NOD1: variants seen among roughly 807,000 people sequenced by gnomAD.
NOD1 encodes the protein nucleotide binding oligomerization domain containing 1.
A neutral mutation model predicts 81.2 loss-of-function variants in NOD1; 70 were observed. That is an observed-to-expected ratio of 0.86 (90% CI 0.71 to 1.05). The LOEUF (loss-of-function observed/expected upper bound fraction) is 1.05, where lower values mean the gene tolerates loss of function less well. Among genes scored for constraint, NOD1 ranks in the 50% least tolerant of loss-of-function variants. NOD1 has a pLI of 0.00. For synonymous variants in NOD1, 508 were observed against 526.9 expected, an observed-to-expected ratio of 0.96 and a Z score of 0.49; for missense variants, 1,233 against 1,228.0, an observed-to-expected ratio of 1.00 and a Z score of -0.06.
In NOD1 at chr7:30,451,707, G is replaced by A; in HGVS notation, c.1710C>T (p.Gly570=). 1.9e-6 allele frequency: 3 copies of A among 1,613,866 alleles called. No homozygotes were observed. In the South Asian group the frequency reaches 3.3e-5, roughly 18 times the overall value. Residue 570 remains glycine (G), a synonymous_variant, in exon 6 of 14, where the codon GGC becomes GGT. Coordinates refer to ENST00000222823, the MANE Select transcript of NOD1 (RefSeq NM_006092.4). This position sits in a 1 kb window ranked among gnomAD's most constrained non-coding sequence, Gnocchi z 4.2. ...PPFLPFQCLQ[G]SGPAREDLFK... ...AGAGGTCTTCCCGCGCCGGACCACT[G>A]CCCTGCAGGCACTGGAACGGGAGGA...
intron 4 of NOD1, 112 bp downstream of exon 4, chr7:30,456,609 G>C (rs1193685038): frequency 1.1e-6 from 1 of 893,958 alleles, no homozygotes; most frequent in Non-Finnish European, 1.8e-6. Flanking sequence ...CCAAAATGCA[G>C]CCCTGCCCGC....
intron 1 of NOD1, chr7:30,469,218 G>T (rs1373992115): frequency 1.0e-6 from 1 of 985,284 alleles, no homozygotes; most frequent in African/African-American, 1.7e-5. Flanking sequence ...AACACTATAG[G>T]CAGCCGACTC....
intron 5 of NOD1, 83 bp downstream of exon 5, chr7:30,455,054 C>T: frequency 1.4e-6 from 2 of 1,386,030 alleles, no homozygotes; most frequent in South Asian, 1.3e-5. Flanking sequence ...TGAGGTGGCA[C>T]TCAGGGCTGG....
At chr7:30,466,008 C>T (rs907005448) in intron 1 of NOD1, among the ~76,000 whole-genome samples, 4 of 152,250 alleles carry the variant, frequency 2.6e-5, no homozygotes, top group African/African-American at 9.6e-5. Flanking sequence ...CCTCCTCAAG[C>T]TCTGACCACT....
chr7:30,471,642 T>C (rs925344643), intron 1 of NOD1, among the ~76,000 whole-genome samples: 6 of 152,234 alleles, frequency 3.9e-5, no homozygotes, highest in Non-Finnish European at 5.9e-5. Context: ...GGGCAACAGC[T>C]AGGCGGAGCA....
At chr7:30,455,413 A>C (rs1562694859) in intron 4 of NOD1, 102 bp from the exon 5 acceptor site, 1 of 860,678 alleles carries the variant, frequency 1.2e-6, no homozygotes. Flanking sequence ...AGTTCTTAGT[A>C]CAGCCGGTAG....
Position 30,452,854 on chromosome 7 carries a change from G to A in NOD1, c.563C>T (p.Thr188Ile), listed in dbSNP as rs1301364329. 6.2e-7 allele frequency: 1 copy of A among 1,614,112 alleles called. No individual in the cohort carries two copies. Among genetic ancestry groups the A allele is most frequent in the Admixed American group, 1.7e-5 (1 of 60,030 alleles). The change falls in exon 6 of 14, where the codon ACC becomes ATC. Residue 188 changes from threonine (T) to isoleucine (I), a missense_variant. Physicochemically the swap from Thr to Ile is moderately conservative, Grantham distance 89 (BLOSUM62 -1). Coordinates refer to ENST00000222823, the MANE Select transcript of NOD1 (RefSeq NM_006092.4). ...CTCACCCTGCTCATTGAGGATGCCG[G>A]TGGTGTGGTCCAGGAGGCAGGCCAG... ...NSLACLLDHTTGILNEQGETI... is the reference protein window; with the variant it reads ...NSLACLLDHTIGILNEQGETI...
rs1223395617 is a variant in NOD1, at chr7:30,425,532, C to G, written c.*106G>C. 1.2e-6 allele frequency: 1 copy of G among 821,896 alleles called. No individual in the cohort carries two copies. Among genetic ancestry groups the G allele is most frequent in the South Asian group, 1.4e-5 (1 of 70,666 alleles). The allele number at this position is 821,896 out of a possible 1,614,324, so 50.9% of individuals were successfully genotyped here. ...ATGGAGGCAGTGGACTCCTGATAGT[C>G]CCGCCTGCGCAGGCCCCTTTAAGAC... is the stretch of plus-strand genomic sequence containing the variant. On this transcript the variant is annotated 3_prime_UTR_variant, in exon 14 of 14. Coordinates refer to ENST00000222823, the MANE Select transcript of NOD1 (RefSeq NM_006092.4).
rs1160293469 is a variant in NOD1, at chr7:30,425,673, C to A, written c.2827G>T (p.Val943Phe). The A allele has an allele frequency of 6.2e-7, 1 of 1,613,912 alleles. No homozygotes were observed. Among genetic ancestry groups the A allele is most frequent in the Non-Finnish European group, 8.5e-7 (1 of 1,179,786 alleles). ...ATAATCCGCTTCTCATCTTCATAGACTTTGGCCTCCTCTGGTTTTATCAGG... is the reference window on the plus strand; with the variant it reads ...ATAATCCGCTTCTCATCTTCATAGAATTTGGCCTCCTCTGGTTTTATCAGG... ...GNLIKPEEAK[V>F]YEDEKRIICF Residue 943 changes from valine (V) to phenylalanine (F), a missense_variant, in exon 14 of 14, where the codon GTC becomes TTC. By Grantham distance (50) the Val-to-Phe change is conservative. Transcript: ENST00000222823.
intron 1 of NOD1, among the ~76,000 whole-genome samples, chr7:30,465,170 C>T (rs1787552766): frequency 6.6e-6 from 1 of 152,184 alleles, no homozygotes; most frequent in Admixed American, 6.5e-5. Context: ...GACGTGTCTG[C>T]TCCCCTGCAG....
Position 30,425,210 on chromosome 7 carries a change from TG to T in NOD1, c.*427del. On this transcript the variant is annotated 3_prime_UTR_variant, in exon 14 of 14. Coordinates refer to ENST00000222823, the MANE Select transcript of NOD1 (RefSeq NM_006092.4). ...TCAAACACGTTTTATTCAAGAAGCT[TG>T]GCACCAACTTTGTGCCACATCCTCA... 5.2e-6 allele frequency: 1 copy of T among 192,154 alleles called. No individual in the cohort carries two copies. 11.9% of individuals were successfully genotyped at this position (192,154 alleles called of 1,614,324 possible). A position where few individuals can be genotyped will look rare whatever the true frequency, so the allele number is the denominator to read the frequency against.
chr7:30,438,399 G>A (rs1054295423), intron 9 of NOD1, among the ~76,000 whole-genome samples: 6 of 152,228 alleles, frequency 3.9e-5, no homozygotes. Flanking sequence ...CTATAAAATG[G>A]GGATAATTAG....
At chr7:30,437,439 G>T in intron 10 of NOD1, 134 bp downstream of exon 10, 1 of 513,658 alleles carries the variant, frequency 1.9e-6, no homozygotes, top group East Asian at 3.5e-5. Context: ...ATCAAAGAAA[G>T]GTTTGACAAG....
intron 1 of NOD1, among the ~76,000 whole-genome samples, chr7:30,474,036 T>C (rs1583898227): frequency 6.6e-6 from 1 of 152,138 alleles, no homozygotes; most frequent in South Asian, 2.1e-4. Flanking sequence ...TTATTTAGGG[T>C]CTACCAGATC....
chr7:30,462,076 G>A (rs1038946599), intron 1 of NOD1, among the ~76,000 whole-genome samples: 2 of 152,118 alleles, frequency 1.3e-5, no homozygotes, highest in African/African-American at 2.4e-5. Context: ...CAGTTTCATC[G>A]GCAACTCAGT....
At chr7:30,428,664 G>T (rs1783674863) in intron 13 of NOD1, 1 of 151,814 alleles carries the variant, frequency 6.6e-6, no homozygotes, top group Non-Finnish European at 1.5e-5. Context: ...CCAAGGAGCT[G>T]TTTTTTGTTT....
chr7:30,447,144 A>G, intron 7 of NOD1, 94 bp from the exon 8 acceptor site: 1 of 1,601,076 alleles, frequency 6.2e-7, no homozygotes, highest in Non-Finnish European at 8.5e-7. Flanking sequence ...ACTGATTTCC[A>G]AAGTCTGGGT....
chr7:30,476,608 C>A (rs1788806797), intron 1 of NOD1, among the ~76,000 whole-genome samples: 1 of 152,214 alleles, frequency 6.6e-6, no homozygotes, highest in South Asian at 2.1e-4. Flanking sequence ...ACACTGTGCA[C>A]AGCCCAGCTT....
chr7:30,437,519 A>G, intron 10 of NOD1, 54 bp downstream of exon 10: 1 of 1,201,316 alleles, frequency 8.3e-7, no homozygotes, highest in Non-Finnish European at 1.1e-6. Flanking sequence ...CAGCAAACCT[A>G]GAGCAGCTGG....
Sources: allele counts gnomAD v4.1 joint callset (sites outside exome capture counted in the v4.1 genomes callset), GRCh38; gene constraint gnomAD v4.1.1; non-coding constraint Gnocchi (gnomAD v3.1); transcripts MANE v1.5; gene names NCBI Gene and HGNC (gene_info 2026-07-23, HGNC 2026-07-21).